Variants in GUCA1C observed in about 807,000 individuals in gnomAD.
GUCA1C encodes guanylyl cyclase-activating protein 3.
Under a neutral mutation model 16.2 loss-of-function variants are expected in GUCA1C, and 15 were observed. The ratio of observed to expected loss-of-function variants is 0.93; its 90% CI spans 0.62 to 1.43. The LOEUF (loss-of-function observed/expected upper bound fraction) is 1.43, where lower values mean the gene tolerates loss of function less well. GUCA1C is among the 40% of genes most tolerant of loss of function. GUCA1C has a pLI of 0.00. For synonymous variants in GUCA1C, 78 were observed against 85.4 expected (o/e 0.91, Z 0.48); for missense variants, 275 against 244.8 (o/e 1.12, Z -0.82).
intron 1 of GUCA1C, among the ~76,000 whole-genome samples, chr3:108,946,499 A>G (rs1465179848): frequency 1.3e-5 from 2 of 152,156 alleles, no homozygotes; most frequent in African/African-American, 4.8e-5. Context: ...CTTGTTATAC[A>G]TGGAGTTAGT....
chr3:108,920,536 A>G lies in GUCA1C; in HGVS notation c.254T>C (p.Met85Thr), dbSNP rs754767660. Residue 85 changes from methionine to threonine, a missense_variant, in exon 2 of 4, where the codon ATG becomes ACG. Met to Thr is a moderately conservative substitution (Grantham distance 81). Coordinates refer to ENST00000261047, the MANE Select transcript of GUCA1C (RefSeq NM_005459.4). ...TAATTTTTGCTCCATTTTTTCTTGCATGATTAGATTTACAGCAGCAATAAA... is the reference window on the plus strand; with the variant it reads ...TAATTTTTGCTCCATTTTTTCTTGCGTGATTAGATTTACAGCAGCAATAAA... Reference protein sequence around the residue: ...LEFIAAVNLIMQEKMEQKLKW... With the variant: ...LEFIAAVNLITQEKMEQKLKW... The G allele has an allele frequency of 1.3e-6, 2 of 1,581,300 alleles. No homozygotes were observed. Among genetic ancestry groups the G allele is most frequent in the Admixed American group, 1.7e-5 (1 of 59,948 alleles).
chr3:108,932,769 G>C (rs2107300469), intron 1 of GUCA1C, among the ~76,000 whole-genome samples: 1 of 151,894 alleles, frequency 6.6e-6, no homozygotes, highest in East Asian at 1.9e-4. Flanking sequence ...TAAACATACA[G>C]AATTAGCCGG....
At chr3:108,929,026 G>A (rs532161388) in intron 1 of GUCA1C, among the ~76,000 whole-genome samples, 1 of 152,140 alleles carries the variant, frequency 6.6e-6, no homozygotes, top group African/African-American at 2.4e-5. Context: ...ATCAACTTGG[G>A]AAGAAGTGAC....
intron 3 of GUCA1C, among the ~76,000 whole-genome samples, chr3:108,915,214 C>A (rs1946495791): frequency 6.6e-6 from 1 of 152,166 alleles, no homozygotes; most frequent in Non-Finnish European, 1.5e-5. Context: ...CTCTACTGCC[C>A]TCTTGTGTCC....
intron 3 of GUCA1C, among the ~76,000 whole-genome samples, chr3:108,913,321 A>T (rs1946475721): frequency 6.6e-6 from 1 of 151,964 alleles, no homozygotes; most frequent in Non-Finnish European, 1.5e-5. Flanking sequence ...TGATGTTTTG[A>T]TAACAATGAT....
chr3:108,946,948 G>T (rs1324957517), intron 1 of GUCA1C, among the ~76,000 whole-genome samples: 2 of 150,164 alleles, frequency 1.3e-5, no homozygotes, highest in Non-Finnish European at 2.9e-5. Context: ...TCCACAGACT[G>T]GGTATTAGAT....
chr3:108,932,924 C>CAAAAA (rs57918246), intron 1 of GUCA1C, among the ~76,000 whole-genome samples: 5 of 68,668 alleles, frequency 7.3e-5, no homozygotes, highest in East Asian at 4.0e-4. Flanking sequence ...AAAAAAATCT[C>CAAAAA]AAAAAAAAAA....
At position 108,916,158 on chromosome 3, in the gene GUCA1C, CA is replaced by C. The variant is rs772455894; in HGVS notation, c.410del (p.Leu137TrpfsTer8). ...QTLSPEEFIN[L>X]VFHKIDINND... ...TGTTTATATCGATCTTATGGAACAC[CA>C]AGTTGATGAATTCTTCAGGACTCAG... On this transcript the variant is annotated frameshift_variant, in exon 3 of 4. Coordinates refer to ENST00000261047, the MANE Select transcript of GUCA1C (RefSeq NM_005459.4). LOFTEE classifies it low-confidence loss of function (END_TRUNC). 15 of 1,613,030 alleles carry C rather than the reference CA, an allele frequency of 9.3e-6. No individual in the cohort carries two copies. In the African/African-American group the frequency reaches 1.7e-4, roughly 19 times the overall value.
intron 1 of GUCA1C, among the ~76,000 whole-genome samples, chr3:108,940,063 A>C (rs948309082): frequency 3.9e-5 from 6 of 152,228 alleles, no homozygotes. Flanking sequence ...AGCTTAACCA[A>C]AATGTTGTGC....
intron 3 of GUCA1C, 68 bp downstream of exon 3, chr3:108,916,059 A>C: frequency 6.3e-7 from 1 of 1,594,694 alleles, no homozygotes; most frequent in Non-Finnish European, 8.5e-7. Flanking sequence ...TTGTCTAAAT[A>C]ACACTCCCCA....
intron 1 of GUCA1C, among the ~76,000 whole-genome samples, chr3:108,924,313 T>A (rs1946599390): frequency 6.6e-6 from 1 of 152,184 alleles, no homozygotes; most frequent in Non-Finnish European, 1.5e-5. Flanking sequence ...TTAAGGTATG[T>A]CCCTTCTATA....
At chr3:108,949,975 C>T (rs901054980) in intron 1 of GUCA1C, among the ~76,000 whole-genome samples, 10 of 152,102 alleles carry the variant, frequency 6.6e-5, no homozygotes, top group Admixed American at 6.5e-5. Context: ...ATACAAGATG[C>T]CCAGAACTTA....
At chr3:108,935,745 G>A (rs375929313) in intron 1 of GUCA1C, among the ~76,000 whole-genome samples, 1 of 151,982 alleles carries the variant, frequency 6.6e-6, no homozygotes, top group Non-Finnish European at 1.5e-5. Flanking sequence ...ATGTATGTAC[G>A]AATATATGGT....
At chr3:108,927,800 T>C (rs980146309) in intron 1 of GUCA1C, among the ~76,000 whole-genome samples, 3 of 152,196 alleles carry the variant, frequency 2.0e-5, no homozygotes, top group Non-Finnish European at 2.9e-5. Flanking sequence ...TCTTTTGTCA[T>C]ACTATCAGAA....
At chr3:108,946,076 C>T (rs939514465) in intron 1 of GUCA1C, among the ~76,000 whole-genome samples, 3 of 152,206 alleles carry the variant, frequency 2.0e-5, no homozygotes, top group Admixed American at 2.0e-4. Flanking sequence ...CACTATTGTT[C>T]TCCCACCAGA....
upstream of GUCA1C, among the ~76,000 whole-genome samples, chr3:108,955,129 C>T (rs1483468268): frequency 6.6e-6 from 1 of 152,114 alleles, no homozygotes; most frequent in East Asian, 1.9e-4. Flanking sequence ...ATTCCTTAGT[C>T]CTGACTGATT....
At chr3:108,910,463 A>G (rs1199134055) in intron 3 of GUCA1C, among the ~76,000 whole-genome samples, 1 of 149,540 alleles carries the variant, frequency 6.7e-6, no homozygotes. Context: ...GCGCCACTGC[A>G]CTCCAGCCTG....
intron 1 of GUCA1C, among the ~76,000 whole-genome samples, chr3:108,926,552 C>T (rs541115660): frequency 2.0e-5 from 3 of 152,348 alleles, no homozygotes; most frequent in South Asian, 2.1e-4. Context: ...GTAATCTCAG[C>T]TTACTGAAAG....
chr3:108,949,169 T>C (rs546012650), intron 1 of GUCA1C, among the ~76,000 whole-genome samples: 1 of 152,268 alleles, frequency 6.6e-6, no homozygotes, highest in East Asian at 1.9e-4. Context: ...TTTTTTGTTA[T>C]AATCTCCTAT....
Sources: gnomAD v4.1 joint callset for allele counts (sites outside exome capture counted in the v4.1 genomes callset) on GRCh38, gnomAD v4.1.1 for gene constraint, MANE v1.5 for transcripts, NCBI Gene and HGNC (gene_info 2026-07-23, HGNC 2026-07-21) for gene names.